Variants in SLC24A2 observed in about 807,000 individuals in gnomAD.
SLC24A2 encodes the protein solute carrier family 24 member 2.
Under a neutral mutation model 62.0 loss-of-function variants are expected in SLC24A2, and 36 were observed. The observed-to-expected ratio is 0.58, with a 90% confidence interval of 0.44 to 0.77. The LOEUF (loss-of-function observed/expected upper bound fraction) is 0.77, where lower values mean the gene tolerates loss of function less well. SLC24A2 is among the 30% of genes least tolerant of loss of function. The pLI, the probability that SLC24A2 is intolerant of heterozygous loss-of-function variation, is 0.00. For missense variants in SLC24A2, 846 were observed against 817.9 expected (o/e 1.03, Z -0.42); for synonymous variants, 358 against 294.0 (o/e 1.22, Z -2.23).
Position 19,562,347 on chromosome 9 carries a change from T to A in SLC24A2, c.1347+11004A>T, listed in dbSNP as rs150844583. Among the ~76,000 whole-genome samples, 12 of 152,330 alleles carry A rather than the reference T, an allele frequency of 7.9e-5. No individual in the cohort carries two copies. The East Asian group carries it at 2.3e-3, about 29-fold the overall frequency. Reference sequence around the variant, plus strand: ...AGAGTGGTAATGGAGTTTTTTTCCTTTTTATTAATAGCCCTTAATGTATCT... The same window carrying A: ...AGAGTGGTAATGGAGTTTTTTTCCTATTTATTAATAGCCCTTAATGTATCT... On this transcript the variant is annotated intron_variant, in intron 7 of 10. Coordinates refer to ENST00000341998, the MANE Select transcript of SLC24A2 (RefSeq NM_020344.4).
chr9:20,064,021 A>G, the SLC24A2 span, among the ~76,000 whole-genome samples: 3 of 152,234 alleles, frequency 2.0e-5, no homozygotes, highest in East Asian at 1.9e-4. Flanking sequence ...AGATTTGAAC[A>G]TAAGTATTCA....
At chr9:19,564,495 TTC>T (rs796543417) in intron 7 of SLC24A2, among the ~76,000 whole-genome samples, 187 of 151,970 alleles carry the variant, frequency 1.2e-3, no homozygotes, top group African/African-American at 4.3e-3. Context: ...ATATTACACA[TTC>T]TCTGTCTTCA....
chr9:19,973,158 T>C, the SLC24A2 span, among the ~76,000 whole-genome samples: 1 of 152,136 alleles, frequency 6.6e-6, no homozygotes, highest in Non-Finnish European at 1.5e-5. Flanking sequence ...GGCAACACAA[T>C]GAGAACCCCA....
At chr9:19,577,388 A>G (rs531414887) in intron 5 of SLC24A2, among the ~76,000 whole-genome samples, 3 of 152,274 alleles carry the variant, frequency 2.0e-5, no homozygotes, top group African/African-American at 4.8e-5. Context: ...GATTTTGACA[A>G]TGGGCTGGGA....
the SLC24A2 span, among the ~76,000 whole-genome samples, chr9:20,277,570 T>C: frequency 1.3e-5 from 2 of 152,000 alleles, no homozygotes; most frequent in Non-Finnish European, 2.9e-5. Context: ...TGGCAATCAT[T>C]AAAAAGTCAG....
chr9:19,706,340 A>C (rs1324118776), intron 2 of SLC24A2, among the ~76,000 whole-genome samples: 2 of 148,042 alleles, frequency 1.4e-5, no homozygotes, highest in East Asian at 4.0e-4. Context: ...TGCATGTGAG[A>C]TGGGTTTCCT....
the SLC24A2 span, among the ~76,000 whole-genome samples, chr9:20,165,447 G>A: frequency 5.9e-5 from 9 of 151,944 alleles, no homozygotes; most frequent in South Asian, 2.1e-4. Flanking sequence ...GTGTGGTAAT[G>A]GCACATGACT....
chr9:20,136,176 A>G, the SLC24A2 span, among the ~76,000 whole-genome samples: 1 of 152,198 alleles, frequency 6.6e-6, no homozygotes, highest in East Asian at 1.9e-4. Flanking sequence ...CCTGGAGAAC[A>G]TAGTGCTTAA....
the SLC24A2 span, among the ~76,000 whole-genome samples, chr9:20,009,177 G>C: frequency 6.6e-6 from 1 of 152,062 alleles, no homozygotes; most frequent in Non-Finnish European, 1.5e-5. Context: ...CTGTGAAAGA[G>C]GCTCACTCCA....
the SLC24A2 span, among the ~76,000 whole-genome samples, chr9:20,288,713 G>T: frequency 6.8e-6 from 1 of 147,362 alleles, no homozygotes; most frequent in African/African-American, 2.5e-5. Flanking sequence ...AGCAGAGATT[G>T]TGCCACTGAT....
chr9:20,279,517 G>A, the SLC24A2 span, among the ~76,000 whole-genome samples: 1 of 152,130 alleles, frequency 6.6e-6, no homozygotes, highest in Non-Finnish European at 1.5e-5. Context: ...AGCAACAAGA[G>A]TGAAACTCTG....
chr9:19,867,669 G>T, the SLC24A2 span, among the ~76,000 whole-genome samples: 1 of 152,156 alleles, frequency 6.6e-6, no homozygotes, highest in South Asian at 2.1e-4. Context: ...CAGCACTTTG[G>T]AAGGACAAGG....
the SLC24A2 span, among the ~76,000 whole-genome samples, chr9:20,083,094 A>G: frequency 6.6e-6 from 1 of 152,254 alleles, no homozygotes; most frequent in Non-Finnish European, 1.5e-5. Context: ...CAGGCAGCAC[A>G]TGATTCAATG....
chr9:20,260,041 CCACTGCACTCCA>C, the SLC24A2 span, among the ~76,000 whole-genome samples: 2 of 152,196 alleles, frequency 1.3e-5, no homozygotes, highest in East Asian at 3.8e-4. Flanking sequence ...CATGATTGTG[CCACTGCACTCCA>C]GCCTGTGTGA....
the SLC24A2 span, among the ~76,000 whole-genome samples, chr9:19,960,335 C>G: frequency 6.6e-6 from 1 of 152,180 alleles, no homozygotes; most frequent in East Asian, 1.9e-4. Context: ...CCCTTCCCTT[C>G]CATTCTATTC....
At chr9:20,085,596 A>G in the SLC24A2 span, among the ~76,000 whole-genome samples, 1 of 152,262 alleles carries the variant, frequency 6.6e-6, no homozygotes, top group African/African-American at 2.4e-5. Flanking sequence ...CAAAATGGAA[A>G]GTAAATTTTC....
intron 8 of SLC24A2, among the ~76,000 whole-genome samples, chr9:19,541,987 C>A (rs1288525839): frequency 3.9e-5 from 6 of 152,320 alleles, no homozygotes; most frequent in African/African-American, 1.4e-4. Context: ...CGTCTGTCAC[C>A]CCTTTCTTTG....
intron 3 of SLC24A2, 31 bp from the exon 4 acceptor site, chr9:19,619,723 C>T: frequency 6.5e-7 from 1 of 1,532,488 alleles, no homozygotes; most frequent in Non-Finnish European, 9.0e-7. Flanking sequence ...GATGGTTAGT[C>T]TCAGGAATGA....
the SLC24A2 span, among the ~76,000 whole-genome samples, chr9:19,892,503 T>C: frequency 4.6e-5 from 7 of 152,228 alleles, no homozygotes; most frequent in African/African-American, 1.7e-4. Context: ...AAATGTTTGC[T>C]GACTGCCTGC....
Sources: gnomAD v4.1 joint callset for allele counts (sites outside exome capture counted in the v4.1 genomes callset) on GRCh38, gnomAD v4.1.1 for gene constraint, MANE v1.5 for transcripts, NCBI Gene and HGNC (gene_info 2026-07-23, HGNC 2026-07-21) for gene names.